C3: variants seen among roughly 807,000 people sequenced by gnomAD.
C3 encodes C3 and PZP-like alpha-2-macroglobulin domain-containing protein 1.
In C3, 97 loss-of-function variants were observed where a neutral mutation model predicts 207.9. The observed-to-expected ratio is 0.47, with a 90% confidence interval of 0.40 to 0.55. The LOEUF (loss-of-function observed/expected upper bound fraction) is 0.55. Among genes scored for constraint, C3 ranks in the 20% least tolerant of loss-of-function variants. The probability of loss-of-function intolerance (pLI) is 0.00; values close to 1 mark genes in which losing one functional copy is unlikely to be tolerated. For synonymous variants in C3, 848 were observed against 857.6 expected (o/e 0.99, Z 0.20); for missense variants, 1,684 against 2,171.7 (o/e 0.78, Z 4.46).
intron 2 of C3, among the ~76,000 whole-genome samples, chr19:6,718,844 T>G (rs1599529035): frequency 1.0e-5 from 1 of 97,082 alleles, no homozygotes; most frequent in African/African-American, 4.9e-5. Flanking sequence ...TCAGAAGGGG[T>G]GGAGTCTCAG....
At chr19:6,690,503 T>C (rs565370206) in intron 27 of C3, 126 bp downstream of exon 27, 15 of 765,882 alleles carry the variant, frequency 2.0e-5, no homozygotes, top group South Asian at 1.8e-4. Context: ...TTAACATGAC[T>C]GCAGTGATGT....
At chr19:6,684,864 G>A in intron 30 of C3, 30 bp from the exon 31 acceptor site, 1 of 1,613,060 alleles carries the variant, frequency 6.2e-7, no homozygotes, top group Non-Finnish European at 8.5e-7. Context: ...AAGAGAGCAT[G>A]TTGGGAATTA....
At chr19:6,709,623 C>CCCCCCAA in intron 14 of C3, 61 bp downstream of exon 14, 1 of 1,035,806 alleles carries the variant, frequency 9.7e-7, no homozygotes, top group South Asian at 1.3e-5. Flanking sequence ...CCACCCACCT[C>CCCCCCAA]CCCCAGCCCC....
chr19:6,689,779 C>T (rs1174159068), intron 27 of C3, among the ~76,000 whole-genome samples: 2 of 152,094 alleles, frequency 1.3e-5, no homozygotes, highest in African/African-American at 2.4e-5. Context: ...GTCAGGAGTT[C>T]GAGACCAGCC....
intron 19 of C3, among the ~76,000 whole-genome samples, chr19:6,698,460 G>T (rs972208818): frequency 1.3e-5 from 2 of 152,172 alleles, no homozygotes; most frequent in South Asian, 4.1e-4. Context: ...ACTTGAAATG[G>T]GGTTTGCCTG....
chr19:6,715,017 C>T (rs965249750), intron 4 of C3, among the ~76,000 whole-genome samples: 3 of 152,164 alleles, frequency 2.0e-5, no homozygotes, highest in African/African-American at 7.2e-5. Flanking sequence ...ACTGTGTTGG[C>T]TTGGGACATA....
chr19:6,678,448 C>T lies in C3; in HGVS notation c.4638G>A (p.Lys1546=), dbSNP rs545349985. ...ACEPGVDYVY[K]TRLVKVQLSN... The stretch of plus-strand genomic sequence containing the variant: ...ACAGCTGAACCTTGACCAGTCGGGT[C>T]TTGTACACTGTGGGGGAGAGGCAGA... The change falls in exon 39 of 41, where the codon AAG becomes AAA. Residue 1546 remains lysine (K), a synonymous_variant. Coordinates refer to ENST00000245907, the MANE Select transcript of C3 (RefSeq NM_000064.4). 1.1e-5 allele frequency: 17 copies of T among 1,613,984 alleles called. No homozygotes were observed. The African/African-American group carries it at 2.0e-4, about 19-fold the overall frequency.
chr19:6,715,759 C>T (rs182407840), intron 4 of C3, among the ~76,000 whole-genome samples: 3,191 of 151,366 alleles, frequency 0.021, 85 homozygotes, highest in East Asian at 0.07. Context: ...GTAGCTGGGA[C>T]TACAGGTGCC....
intron 13 of C3, among the ~76,000 whole-genome samples, 176 bp from the exon 14 acceptor site, chr19:6,710,018 A>G: frequency 7.3e-6 from 1 of 136,494 alleles, no homozygotes; most frequent in Non-Finnish European, 1.6e-5. Context: ...AGAGAGAGGG[A>G]GAGAGGGCGG....
At chr19:6,679,006 C>T (rs1917789900) in intron 38 of C3, 119 bp downstream of exon 38, 17 of 783,176 alleles carry the variant, frequency 2.2e-5, no homozygotes, top group South Asian at 2.0e-4. Context: ...CTCTCACACA[C>T]ACCACAGTCA....
intron 24 of C3, 34 bp from the exon 25 acceptor site, chr19:6,693,521 C>T (rs767650647): frequency 1.8e-5 from 27 of 1,542,488 alleles, no homozygotes; most frequent in African/African-American, 4.1e-5. Context: ...CCAAAAGAGC[C>T]GGGGCTGAGC....
chr19:6,680,806 A>G (rs1194587096), intron 35 of C3, among the ~76,000 whole-genome samples: 1 of 152,118 alleles, frequency 6.6e-6, no homozygotes, highest in Non-Finnish European at 1.5e-5. Flanking sequence ...CAGGGAGGAT[A>G]TGGGGATAGG....
intron 17 of C3, among the ~76,000 whole-genome samples, chr19:6,704,182 G>A (rs1431349980): frequency 1.3e-5 from 2 of 152,148 alleles, no homozygotes; most frequent in Non-Finnish European, 2.9e-5. Flanking sequence ...TCAGAAGGCT[G>A]AGGATGAGAC....
chr19:6,709,892 G>A (rs1440426648), intron 13 of C3, 50 bp from the exon 14 acceptor site: 2 of 1,599,938 alleles, frequency 1.3e-6, no homozygotes, highest in Non-Finnish European at 8.5e-7. Context: ...GGAGAGAGGA[G>A]TGCCTGGGAT....
chr19:6,718,090 G>A lies in C3; in HGVS notation c.504+4C>T. The stretch of plus-strand genomic sequence containing the variant: ...CTTCCCCTGGGGCCCCCTCTGGCTG[G>A]CACCTCAATGTTGACCATGACCGTC... On this transcript the variant is annotated splice_donor_region_variant and intron_variant, in intron 4 of 40. Transcript: ENST00000245907. 6.2e-6 allele frequency: 10 copies of A among 1,614,016 alleles called. No individual in the cohort carries two copies. The highest frequency in any genetic ancestry group is 8.5e-6 in the Non-Finnish European group (10 of 1,179,916).
chr19:6,679,424 A>C lies in C3; in HGVS notation c.4529T>G (p.Leu1510Arg). The part of the protein sequence containing the change: ...GKLNKLCRDE[L>R]CRCAEENCFI... ...GAACTCACCCTCAGCACAGCGGCAC[A>C]GTTCATCACGGCAGAGCTTGTTCAG... Residue 1510 changes from leucine (L) to arginine (R), a missense_variant, in exon 37 of 41, where the codon CTG becomes CGG. Transcript: ENST00000245907. 1 of 1,613,738 alleles carries C rather than the reference A, an allele frequency of 6.2e-7. No individual in the cohort carries two copies. The highest frequency in any genetic ancestry group is 8.5e-7 in the Non-Finnish European group (1 of 1,179,626).
intron 4 of C3, among the ~76,000 whole-genome samples, chr19:6,714,855 C>T (rs1355596271): frequency 1.3e-5 from 2 of 152,078 alleles, no homozygotes; most frequent in African/African-American, 4.8e-5. Context: ...GAGTGAGAGT[C>T]TGTCTCGAAA....
Position 6,719,549 on chromosome 19 carries a change from A to G in C3, c.75-146T>C. The stretch of plus-strand genomic sequence containing the variant: ...GACTGCCGGCGCACTTGCCAATGCC[A>G]TTATCTTCTCTGGGCACTGCCACCG... On this transcript the variant is annotated intron_variant, in intron 1 of 40. Transcript: ENST00000245907. This position sits in a 1 kb window ranked among gnomAD's most constrained non-coding sequence, Gnocchi z 5.4. The G allele has an allele frequency of 1.4e-6, 1 of 702,382 alleles. No homozygotes were observed. The highest frequency in any genetic ancestry group is 2.5e-6 in the Non-Finnish European group (1 of 406,454). The allele number at this position is 702,382 out of a possible 1,614,324, so 43.5% of individuals were successfully genotyped here.
At chr19:6,684,326 C>A (rs958273269) in intron 33 of C3, 62 bp downstream of exon 33, 2 of 1,283,794 alleles carry the variant, frequency 1.6e-6, no homozygotes, top group Non-Finnish European at 1.1e-6. Flanking sequence ...ATATTATTTG[C>A]AAGAATTCTT....
Sources: allele counts gnomAD v4.1 joint callset (sites outside exome capture counted in the v4.1 genomes callset), GRCh38; gene constraint gnomAD v4.1.1; non-coding constraint Gnocchi (gnomAD v3.1); transcripts MANE v1.5; gene names NCBI Gene and HGNC (gene_info 2026-07-23, HGNC 2026-07-21).